Variants in SWT1 observed in about 807,000 individuals in gnomAD.
The protein encoded by SWT1 is transcriptional protein SWT1.
SWT1 carries 33 observed loss-of-function variants against 107.3 expected under a neutral mutation model. The ratio of observed to expected loss-of-function variants is 0.31; its 90% CI spans 0.23 to 0.41. The LOEUF (loss-of-function observed/expected upper bound fraction) is 0.41. Among genes scored for constraint, SWT1 ranks in the 10% least tolerant of loss-of-function variants. SWT1 has a pLI of 1.00. For synonymous variants in SWT1, 345 were observed against 348.3 expected (o/e 0.99, Z 0.11); for missense variants, 898 against 1,028.9 (o/e 0.87, Z 1.74).
At chr1:185,197,193 A>G (rs572227696) in intron 10 of SWT1, among the ~76,000 whole-genome samples, 6 of 152,242 alleles carry the variant, frequency 3.9e-5, no homozygotes, top group African/African-American at 1.4e-4. Context: ...ATTTTACTGA[A>G]GGCCTTTTCT....
At chr1:185,185,622 A>G (rs1299642006) in intron 9 of SWT1, among the ~76,000 whole-genome samples, 4 of 152,120 alleles carry the variant, frequency 2.6e-5, no homozygotes, top group Non-Finnish European at 5.9e-5. Context: ...ATTATTTTAA[A>G]TACCACGGAT....
intron 10 of SWT1, among the ~76,000 whole-genome samples, chr1:185,200,152 GTTTTTTC>G (rs1345493178): frequency 6.6e-6 from 1 of 151,792 alleles, no homozygotes; most frequent in East Asian, 1.9e-4. Context: ...CCTCTAACCT[GTTTTTTC>G]AAGGTTCTTA....
intron 16 of SWT1, among the ~76,000 whole-genome samples, chr1:185,241,821 A>AAG (rs764669002): frequency 6.6e-6 from 1 of 152,148 alleles, no homozygotes; most frequent in Admixed American, 6.5e-5. Context: ...AGAGGTATAG[A>AAG]AGAGAGATGA....
Position 185,184,759 on chromosome 1 carries a change from G to A in SWT1, c.1257G>A (p.Val419=). The change falls in exon 9 of 19, where the codon GTG becomes GTA. Residue 419 remains valine (V), a synonymous_variant. Coordinates refer to ENST00000367500, the MANE Select transcript of SWT1 (RefSeq NM_017673.7). Reference sequence around the variant, plus strand: ...ATTTTTTAGGTTTTGACAAACTTGTGTTAATAATTCCCTGGGTCGTTATGC... The same window carrying A: ...ATTTTTTAGGTTTTGACAAACTTGTATTAATAATTCCCTGGGTCGTTATGC... The part of the protein sequence containing the change: ...TTEVPGFDKL[V]LIIPWVVMQE... 1 of 1,608,078 alleles carries A rather than the reference G, an allele frequency of 6.2e-7. No individual in the cohort carries two copies. The highest frequency in any genetic ancestry group is 8.5e-7 in the Non-Finnish European group (1 of 1,178,022).
chr1:185,174,612 G>A lies in SWT1; in HGVS notation c.465G>A (p.Lys155=). The A allele has an allele frequency of 6.2e-7, 1 of 1,611,372 alleles. No individual in the cohort carries two copies. The highest frequency in any genetic ancestry group is 8.5e-7 in the Non-Finnish European group (1 of 1,179,360). Residue 155 remains lysine (K), a synonymous_variant, in exon 5 of 19, where the codon AAG becomes AAA. Transcript: ENST00000367500. ...DHGIKSLSSP[K]IASDVKPKAE... ...GAATTAAAAGCCTTAGTAGTCCTAAGATTGCCAGTGATGTGAAACCTAAAG... is the reference window on the plus strand; with the variant it reads ...GAATTAAAAGCCTTAGTAGTCCTAAAATTGCCAGTGATGTGAAACCTAAAG...
At chr1:185,232,051 G>A (rs147753828) in intron 16 of SWT1, among the ~76,000 whole-genome samples, 1 of 152,078 alleles carries the variant, frequency 6.6e-6, no homozygotes, top group East Asian at 1.9e-4. Flanking sequence ...CATTTCTCTT[G>A]AATGGTTTTT....
At chr1:185,210,048 C>A (rs1658654508) in intron 13 of SWT1, among the ~76,000 whole-genome samples, 1 of 152,064 alleles carries the variant, frequency 6.6e-6, no homozygotes, top group South Asian at 2.1e-4. Context: ...TGTTCATATC[C>A]CTCGCCCACT....
chr1:185,237,604 G>GGGTT (rs1660981454), intron 16 of SWT1, among the ~76,000 whole-genome samples: 1 of 152,094 alleles, frequency 6.6e-6, no homozygotes, highest in Non-Finnish European at 1.5e-5. Flanking sequence ...TGTAGATGAT[G>GGGTT]GGTTAATGGG....
chr1:185,160,712 A>T (rs999446310), intron 1 of SWT1, 121 bp from the exon 2 acceptor site: 2 of 705,838 alleles, frequency 2.8e-6, no homozygotes, highest in African/African-American at 3.6e-5. Context: ...AAAAAAAAAT[A>T]AAATAAAATA....
chr1:185,184,575 G>A (rs146863136), intron 8 of SWT1, among the ~76,000 whole-genome samples, 168 bp from the exon 9 acceptor site: 146 of 152,018 alleles, frequency 9.6e-4, no homozygotes, highest in African/African-American at 3.2e-3. Flanking sequence ...CTTTTGACAC[G>A]TTATTTTCTT....
intron 6 of SWT1, among the ~76,000 whole-genome samples, chr1:185,181,304 AT>A (rs1457715830): frequency 6.6e-6 from 1 of 152,172 alleles, no homozygotes; most frequent in African/African-American, 2.4e-5. Context: ...ATATTAATTG[AT>A]TTTTATTTGT....
chr1:185,248,664 C>T (rs1661780584), intron 16 of SWT1, among the ~76,000 whole-genome samples: 1 of 151,862 alleles, frequency 6.6e-6, no homozygotes, highest in Non-Finnish European at 1.5e-5. Flanking sequence ...ATACTAATCT[C>T]TCTCCTCTCT....
Position 185,174,751 on chromosome 1 carries a change from G to T in SWT1, c.604G>T (p.Val202Phe). Residue 202 changes from valine to phenylalanine, a missense_variant, in exon 5 of 19, where the codon GTC becomes TTC. This residue lies in a region of SWT1 where 382 missense variants were observed against 362.4 expected (regional missense o/e 1.05). Coordinates refer to ENST00000367500, the MANE Select transcript of SWT1 (RefSeq NM_017673.7). ...SKFRDNSEKC[V>F]LEKWKRNQFS... ...ATTTAGAGACAATTCTGAAAAATGT[G>T]TCTTAGAGAAATGGAAGAGAAATCA... The T allele has an allele frequency of 1.9e-6, 3 of 1,611,494 alleles. No homozygotes were observed. The highest frequency in any genetic ancestry group is 2.5e-6 in the Non-Finnish European group (3 of 1,179,460).
At position 185,202,646 on chromosome 1, in the gene SWT1, A is replaced by C. The variant is rs762115674; in HGVS notation, c.1524-8A>C. On this transcript the variant is annotated splice_polypyrimidine_tract_variant and splice_region_variant and intron_variant, in intron 10 of 18. Coordinates refer to ENST00000367500, the MANE Select transcript of SWT1 (RefSeq NM_017673.7). Reference sequence around the variant, plus strand: ...TTTTTCCTCCTAATCCCAACCTCCCAACCTTAGGGATGATAGAAACTTAAG... The same window carrying C: ...TTTTTCCTCCTAATCCCAACCTCCCCACCTTAGGGATGATAGAAACTTAAG... 10 of 1,601,224 alleles carry C rather than the reference A, an allele frequency of 6.2e-6. 1 individual carries two copies. Among genetic ancestry groups the C allele is most frequent in the Middle Eastern group, 1.7e-4 (1 of 6,046 alleles).
At chr1:185,222,680 G>A (rs1035944333) in intron 15 of SWT1, among the ~76,000 whole-genome samples, 6 of 145,286 alleles carry the variant, frequency 4.1e-5, no homozygotes, top group African/African-American at 7.9e-5. Context: ...CAGGAGAATT[G>A]CTTGAATCTG....
At chr1:185,217,498 G>A (rs1659311510) in intron 14 of SWT1, among the ~76,000 whole-genome samples, 1 of 152,104 alleles carries the variant, frequency 6.6e-6, no homozygotes, top group Admixed American at 6.5e-5. Context: ...ATCTGTCACT[G>A]TCTCCCATCA....
intron 16 of SWT1, among the ~76,000 whole-genome samples, chr1:185,249,885 G>A (rs1193111195): frequency 6.6e-6 from 1 of 152,166 alleles, no homozygotes; most frequent in African/African-American, 2.4e-5. Flanking sequence ...GCCTCCTCAA[G>A]CTGTGTCCTT....
chr1:185,176,672 C>T (rs1655587023), intron 5 of SWT1: 5 of 985,334 alleles, frequency 5.1e-6, no homozygotes, highest in Non-Finnish European at 6.0e-6. Context: ...GTTAAGCCTA[C>T]CTGCTTTTAG....
At chr1:185,290,074 GCAA>G (rs1024806518) in intron 18 of SWT1, among the ~76,000 whole-genome samples, 4 of 151,958 alleles carry the variant, frequency 2.6e-5, no homozygotes, top group African/African-American at 9.6e-5. Flanking sequence ...ACCAGACAGG[GCAA>G]CATAGTGAGA....
Sources: allele counts gnomAD v4.1 joint callset (sites outside exome capture counted in the v4.1 genomes callset), GRCh38; gene constraint gnomAD v4.1.1; regional missense constraint gnomAD v4.1.1; transcripts MANE v1.5; gene names NCBI Gene and HGNC (gene_info 2026-07-23, HGNC 2026-07-21).